Variants in GABBR2 observed in about 807,000 individuals in gnomAD.
GABBR2 encodes gamma-aminobutyric acid type B receptor subunit 2.
In GABBR2, 23 loss-of-function variants were observed where a neutral mutation model predicts 105.6. The observed-to-expected ratio is 0.22, with a 90% CI of 0.16 to 0.31. GABBR2 has a LOEUF of 0.31. Among genes scored for constraint, GABBR2 ranks in the 10% least tolerant of loss-of-function variants. The pLI, the probability that GABBR2 is intolerant of heterozygous loss-of-function variation, is 1.00. For missense variants in GABBR2, 734 were observed against 1,245.5 expected (o/e 0.59, Z 6.18); for synonymous variants, 478 against 499.7 (o/e 0.96, Z 0.58).
At chr9:98,405,319 C>T (rs1464831344) in intron 8 of GABBR2, among the ~76,000 whole-genome samples, 1 of 152,088 alleles carries the variant, frequency 6.6e-6, no homozygotes, top group Non-Finnish European at 1.5e-5. Context: ...ACTTAGGAGG[C>T]TGAGGTGGGA....
chr9:98,502,062 G>A (rs1479879379), intron 3 of GABBR2, among the ~76,000 whole-genome samples: 2 of 152,108 alleles, frequency 1.3e-5, no homozygotes, highest in Admixed American at 1.3e-4. Flanking sequence ...GCAACTGACT[G>A]AGCACACAAC....
intron 7 of GABBR2, among the ~76,000 whole-genome samples, chr9:98,439,332 T>C (rs1174873629): frequency 1.3e-5 from 2 of 152,298 alleles, no homozygotes; most frequent in East Asian, 1.9e-4. Context: ...CAGACCCAGG[T>C]TCCCCATGAA....
chr9:98,346,867 A>G (rs966601186), intron 13 of GABBR2, among the ~76,000 whole-genome samples: 1 of 152,122 alleles, frequency 6.6e-6, no homozygotes, highest in Non-Finnish European at 1.5e-5. Flanking sequence ...CACTTAACAT[A>G]ATATCCTCCA....
chr9:98,338,192 T>C (rs1393927265), intron 13 of GABBR2, among the ~76,000 whole-genome samples: 3 of 152,182 alleles, frequency 2.0e-5, no homozygotes, highest in African/African-American at 7.2e-5. Flanking sequence ...TAAGTGTAAA[T>C]CTTCATGAGC....
chr9:98,398,666 G>A (rs1832337333), intron 8 of GABBR2, among the ~76,000 whole-genome samples: 1 of 151,978 alleles, frequency 6.6e-6, no homozygotes, highest in South Asian at 2.1e-4. Context: ...CCTCAACTCT[G>A]CTCTTCCCCA....
intron 7 of GABBR2, among the ~76,000 whole-genome samples, chr9:98,409,281 G>T (rs1338584252): frequency 6.6e-6 from 1 of 152,218 alleles, no homozygotes; most frequent in African/African-American, 2.4e-5. Flanking sequence ...GGAGCAGCCT[G>T]TGATGTGATT....
intron 2 of GABBR2, among the ~76,000 whole-genome samples, chr9:98,556,186 T>G (rs976166181): frequency 4.6e-5 from 7 of 152,112 alleles, no homozygotes; most frequent in Admixed American, 3.9e-4. Context: ...CAGGCAAAGC[T>G]CTGAGCGGCA....
intron 11 of GABBR2, among the ~76,000 whole-genome samples, chr9:98,380,299 C>T (rs528819003): frequency 7.2e-5 from 11 of 152,352 alleles, no homozygotes; most frequent in African/African-American, 2.6e-4. Flanking sequence ...CAGGAAGCTG[C>T]GTGAGGCCCA....
chr9:98,602,654 C>T (rs1274422872), intron 1 of GABBR2, among the ~76,000 whole-genome samples: 1 of 152,098 alleles, frequency 6.6e-6, no homozygotes, highest in Non-Finnish European at 1.5e-5. Flanking sequence ...TCATAATAAT[C>T]CTAAAACAAA....
rs567550842 is a variant in GABBR2, at chr9:98,391,286, C to T, written c.1379-2282G>A. Among the ~76,000 whole-genome samples the T allele has an allele frequency of 9.2e-5, 14 of 152,202 alleles. No homozygotes were observed. The South Asian group carries it at 2.9e-3, about 32-fold the overall frequency. The stretch of plus-strand genomic sequence containing the variant: ...AGCTAAGCAAGATACAGAGATTTTC[C>T]CACTTGATCCACCCAACAGCCTCAG... On this transcript the variant is annotated intron_variant, in intron 9 of 18. Coordinates refer to ENST00000259455, the MANE Select transcript of GABBR2 (RefSeq NM_005458.8).
chr9:98,490,207 A>T (rs563128537), intron 4 of GABBR2, among the ~76,000 whole-genome samples: 1 of 152,318 alleles, frequency 6.6e-6, no homozygotes, highest in South Asian at 2.1e-4. Context: ...TGAACACTTA[A>T]AAATGGTTAA....
intron 1 of GABBR2, among the ~76,000 whole-genome samples, chr9:98,682,053 G>C (rs1329355698): frequency 1.3e-5 from 2 of 151,910 alleles, no homozygotes; most frequent in Non-Finnish European, 2.9e-5. Flanking sequence ...TGGCCAATAT[G>C]GTGAAAACTC....
intron 11 of GABBR2, among the ~76,000 whole-genome samples, chr9:98,374,635 T>C (rs557428151): frequency 6.6e-6 from 1 of 152,308 alleles, no homozygotes; most frequent in African/African-American, 2.4e-5. Context: ...CTAAAAACCC[T>C]GGGCGTGTCA....
At chr9:98,327,912 G>A in intron 13 of GABBR2, among the ~76,000 whole-genome samples, 1 of 151,120 alleles carries the variant, frequency 6.6e-6, no homozygotes, top group East Asian at 2.0e-4. Context: ...ACTTTCCAGA[G>A]CCTTTAACCT....
chr9:98,472,019 C>T (rs759579772), intron 6 of GABBR2, among the ~76,000 whole-genome samples: 1 of 152,002 alleles, frequency 6.6e-6, no homozygotes, highest in Non-Finnish European at 1.5e-5. Context: ...CTTGACAAAT[C>T]GATAAATCAT....
chr9:98,421,160 A>G (rs2131554563), intron 7 of GABBR2, among the ~76,000 whole-genome samples: 1 of 152,350 alleles, frequency 6.6e-6, no homozygotes, highest in Admixed American at 6.5e-5. Context: ...AAACAGTGAT[A>G]TTTAACATTG....
intron 1 of GABBR2, among the ~76,000 whole-genome samples, chr9:98,593,859 A>T (rs1430172175): frequency 6.6e-6 from 1 of 152,136 alleles, no homozygotes; most frequent in Non-Finnish European, 1.5e-5. Flanking sequence ...GCTGGAGTTA[A>T]TTATGTGCCT....
At chr9:98,382,322 CT>C (rs112576284) in intron 11 of GABBR2, among the ~76,000 whole-genome samples, 2 of 151,418 alleles carry the variant, frequency 1.3e-5, no homozygotes, top group East Asian at 1.9e-4. Flanking sequence ...CCCCCAGTAT[CT>C]TTTTTTTTGA....
At chr9:98,419,369 C>A (rs1889984) in intron 7 of GABBR2, among the ~76,000 whole-genome samples, 52,392 of 151,892 alleles carry the variant, frequency 0.34, 9,785 homozygotes, top group East Asian at 0.7. Context: ...GCCCAGAATT[C>A]CTCTTAAAGA....
Sources: gnomAD v4.1 joint callset for allele counts (sites outside exome capture counted in the v4.1 genomes callset) on GRCh38, gnomAD v4.1.1 for gene constraint, MANE v1.5 for transcripts, NCBI Gene and HGNC (gene_info 2026-07-23, HGNC 2026-07-21) for gene names.